SLAIN1: variants seen among roughly 807,000 people sequenced by gnomAD.
The protein encoded by SLAIN1 is SLAIN motif-containing protein 1.
Under a neutral mutation model 55.4 loss-of-function variants are expected in SLAIN1, and 17 were observed. That is an observed-to-expected ratio of 0.31 (90% CI 0.21 to 0.46). The LOEUF is 0.46. SLAIN1 is among the 20% of genes least tolerant of loss of function. SLAIN1 has a pLI of 1.00. For synonymous variants in SLAIN1, 348 were observed against 337.4 expected (o/e 1.03, Z -0.35); for missense variants, 682 against 785.1 (o/e 0.87, Z 1.57).
At chr13:77,732,871 A>G (rs1041766604) in intron 2 of SLAIN1, among the ~76,000 whole-genome samples, 26 of 152,094 alleles carry the variant, frequency 1.7e-4, no homozygotes, top group Admixed American at 1.7e-3. Context: ...TCTGACCTTT[A>G]TGTTTCAGCT....
At chr13:77,746,387 T>A (rs1873811664) in intron 3 of SLAIN1, 127 bp from the exon 4 acceptor site, 2 of 756,988 alleles carry the variant, frequency 2.6e-6, no homozygotes, top group South Asian at 4.4e-5. Flanking sequence ...TTTAGTAAAC[T>A]TGAGAACAAG....
At chr13:77,724,376 C>T (rs532210707) in intron 2 of SLAIN1, among the ~76,000 whole-genome samples, 25 of 152,204 alleles carry the variant, frequency 1.6e-4, no homozygotes, top group Middle Eastern at 3.4e-3. Context: ...TGCTGTAAGG[C>T]CATAGAACAG....
At chr13:77,747,412 C>T (rs117541166) in intron 4 of SLAIN1, among the ~76,000 whole-genome samples, 1,846 of 152,148 alleles carry the variant, frequency 0.012, 36 homozygotes, top group East Asian at 0.018. Context: ...ATAGCTGGCT[C>T]GGAATGAGTT....
intron 5 of SLAIN1, among the ~76,000 whole-genome samples, chr13:77,756,763 C>G (rs894784029): frequency 1.3e-5 from 2 of 152,022 alleles, no homozygotes; most frequent in South Asian, 2.1e-4. Context: ...GACAAAGTGT[C>G]GAGTGAAAGA....
At position 77,698,899 on chromosome 13, in the gene SLAIN1, A is replaced by G; in HGVS notation, c.626+360A>G. ...TTTGCTCAGTGCTGCTCTTTTCCCC[A>G]GTGTTTTCGGAGGGATGACGGGGGA... On this transcript the variant is annotated intron_variant, in intron 1 of 6. Coordinates refer to ENST00000418532, the MANE Select transcript of SLAIN1 (RefSeq NM_001242868.2). This position sits in a 1 kb window ranked among gnomAD's most constrained non-coding sequence, Gnocchi z 4.1. 6.5e-7 allele frequency: 1 copy of G among 1,532,266 alleles called. No homozygotes were observed. The highest frequency in any genetic ancestry group is 8.7e-7 in the Non-Finnish European group (1 of 1,145,538). 94.9% of individuals were successfully genotyped at this position (1,532,266 alleles called of 1,614,324 possible). A position where few individuals can be genotyped will look rare whatever the true frequency, so the allele number is the denominator to read the frequency against.
intron 1 of SLAIN1, among the ~76,000 whole-genome samples, chr13:77,709,358 C>T (rs1227320343): frequency 6.6e-6 from 1 of 152,104 alleles, no homozygotes; most frequent in South Asian, 2.1e-4. Flanking sequence ...TCCAGGAGAC[C>T]TTTCCCAACC....
chr13:77,727,004 T>C (rs993612744), intron 2 of SLAIN1, among the ~76,000 whole-genome samples: 6 of 152,196 alleles, frequency 3.9e-5, no homozygotes, highest in African/African-American at 1.4e-4. Flanking sequence ...GAAAGTAATG[T>C]TAAAAGTGAA....
chr13:77,735,515 G>A (rs180816292), intron 2 of SLAIN1, among the ~76,000 whole-genome samples: 5 of 151,982 alleles, frequency 3.3e-5, no homozygotes, highest in Non-Finnish European at 4.4e-5. Context: ...TGCCTGTTCT[G>A]TATGGCCTAA....
chr13:77,737,647 G>T (rs1169879060), intron 2 of SLAIN1, among the ~76,000 whole-genome samples: 4 of 151,920 alleles, frequency 2.6e-5, no homozygotes, highest in Non-Finnish European at 5.9e-5. Context: ...ATTTAGAATG[G>T]TATCATATCC....
At chr13:77,741,868 A>T (rs1249946162) in intron 2 of SLAIN1, among the ~76,000 whole-genome samples, 4 of 151,920 alleles carry the variant, frequency 2.6e-5, no homozygotes, top group African/African-American at 9.7e-5. Flanking sequence ...TCCTTTTAAT[A>T]CTTGGTTTTT....
At chr13:77,711,008 C>T (rs1229558237) in intron 1 of SLAIN1, among the ~76,000 whole-genome samples, 1 of 152,022 alleles carries the variant, frequency 6.6e-6, no homozygotes, top group Admixed American at 6.6e-5. Flanking sequence ...GAAATTAAGG[C>T]AGAAATAAGT....
At chr13:77,729,313 C>T (rs772034618) in intron 2 of SLAIN1, among the ~76,000 whole-genome samples, 1 of 151,868 alleles carries the variant, frequency 6.6e-6, no homozygotes, top group Non-Finnish European at 1.5e-5. Flanking sequence ...GCATTTCTAC[C>T]ATGATTCGAA....
chr13:77,749,893 G>T (rs1874088207), intron 4 of SLAIN1, among the ~76,000 whole-genome samples: 1 of 152,144 alleles, frequency 6.6e-6, no homozygotes, highest in Non-Finnish European at 1.5e-5. Context: ...CTGACTTGTT[G>T]CTTAAATATG....
intron 1 of SLAIN1, among the ~76,000 whole-genome samples, chr13:77,708,757 G>A (rs2091115519): frequency 1.3e-5 from 2 of 151,992 alleles, no homozygotes; most frequent in African/African-American, 4.8e-5. Flanking sequence ...CCCATCCAAA[G>A]GTCACCAACA....
intron 1 of SLAIN1, among the ~76,000 whole-genome samples, chr13:77,716,685 A>G (rs2091211108): frequency 6.6e-6 from 1 of 152,150 alleles, no homozygotes; most frequent in Admixed American, 6.6e-5. Flanking sequence ...TGTTGTTAAT[A>G]TATATAAGTA....
chr13:77,731,868 TTA>T (rs1301612392), intron 2 of SLAIN1, among the ~76,000 whole-genome samples: 1 of 152,096 alleles, frequency 6.6e-6, no homozygotes, highest in Non-Finnish European at 1.5e-5. Context: ...CTATTTAAAG[TTA>T]TATACTAATT....
intron 4 of SLAIN1, among the ~76,000 whole-genome samples, chr13:77,752,611 G>T (rs1314415113): frequency 6.6e-6 from 1 of 152,134 alleles, no homozygotes; most frequent in African/African-American, 2.4e-5. Flanking sequence ...AAGCTGAGGA[G>T]CAAGGAAGAC....
chr13:77,701,752 T>G (rs1173415135), intron 1 of SLAIN1, among the ~76,000 whole-genome samples: 1 of 152,016 alleles, frequency 6.6e-6, no homozygotes, highest in African/African-American at 2.4e-5. Flanking sequence ...CTTTCTTTCT[T>G]TCTTTACTTA....
At chr13:77,712,293 A>G (rs896436243) in intron 1 of SLAIN1, among the ~76,000 whole-genome samples, 1 of 152,230 alleles carries the variant, frequency 6.6e-6, no homozygotes, top group Non-Finnish European at 1.5e-5. Flanking sequence ...CTGTTTGCAG[A>G]TGACATGATT....
Sources: gnomAD v4.1 joint callset for allele counts (sites outside exome capture counted in the v4.1 genomes callset) on GRCh38, gnomAD v4.1.1 for gene constraint, Gnocchi (gnomAD v3.1) non-coding constraint, MANE v1.5 for transcripts, NCBI Gene and HGNC (gene_info 2026-07-23, HGNC 2026-07-21) for gene names.